Variants in VEGFC observed in about 807,000 individuals in gnomAD.
VEGFC encodes the protein FLT4 ligand DHM.
A neutral mutation model predicts 46.1 loss-of-function variants in VEGFC; 12 were observed. The observed-to-expected ratio is 0.26, with a 90% CI of 0.17 to 0.42. The LOEUF (loss-of-function observed/expected upper bound fraction) is 0.42, where lower values mean the gene tolerates loss of function less well. Among genes scored for constraint, VEGFC ranks in the 10% least tolerant of loss-of-function variants. The pLI is 1.00. For missense variants in VEGFC, 488 were observed against 529.4 expected, an observed-to-expected ratio of 0.92 and a Z score of 0.77; for synonymous variants, 232 against 195.5, an observed-to-expected ratio of 1.19 and a Z score of -1.56.
At chr4:176,740,343 A>G (rs1348188192) in intron 1 of VEGFC, among the ~76,000 whole-genome samples, 1 of 120,276 alleles carries the variant, frequency 8.3e-6, no homozygotes, top group African/African-American at 3.4e-5. Flanking sequence ...ATATAACTAT[A>G]TATTTATATA....
intron 1 of VEGFC, among the ~76,000 whole-genome samples, chr4:176,772,957 C>G (rs1256488060): frequency 6.6e-6 from 1 of 152,182 alleles, no homozygotes; most frequent in South Asian, 2.1e-4. Context: ...ACCCAAAGTA[C>G]ATTCATTCTC....
rs140444832 is a variant in VEGFC at position 176,769,102 on chromosome 4, C to T, written c.147+23063G>A. On this transcript the variant is annotated intron_variant, in intron 1 of 6. Coordinates refer to ENST00000618562, the MANE Select transcript of VEGFC (RefSeq NM_005429.5). ...TGGGAGAGCCTGCTTCCTCCTTACC[C>T]CTATCACCATGTGAGGGGGACGTGC... Among the ~76,000 whole-genome samples the T allele has an allele frequency of 2.0e-3, 308 of 152,212 alleles. 1 individual carries two copies. Among genetic ancestry groups the T allele is most frequent in the African/African-American group, 7.0e-3 (291 of 41,528 alleles).
rs140484611 is a variant in VEGFC at position 176,760,959 on chromosome 4, G to A, written c.147+31206C>T. Among the ~76,000 whole-genome samples the A allele has an allele frequency of 2.9e-3, 449 of 152,318 alleles. 3 individuals are homozygous for A. The highest frequency in any genetic ancestry group is 0.01 in the African/African-American group (425 of 41,570). On this transcript the variant is annotated intron_variant, in intron 1 of 6. Coordinates refer to ENST00000618562, the MANE Select transcript of VEGFC (RefSeq NM_005429.5). ...AATCATACATAGGTAGGAAAAAGAA[G>A]TTTATGATACTGCAAGTCTGGCCCA...
In VEGFC at chr4:176,784,066, T is replaced by TTTTG. The variant is rs1553998059; in HGVS notation, c.147+8098_147+8099insCAAA. Among the ~76,000 whole-genome samples, 215 of 26,334 alleles carry TTTTG rather than the reference T, an allele frequency of 8.2e-3. 29 individuals carry two copies. The Middle Eastern group carries it at 0.1, about 12-fold the overall frequency. 17.3% of individuals were successfully genotyped at this position (26,334 alleles called of 152,430 possible). ...GCTTTATATGTATGCACATGCTGTT[T>TTTTG]TTTTTTTTTTTTTTTTGAAACAGAG... On this transcript the variant is annotated intron_variant, in intron 1 of 6. Coordinates refer to ENST00000618562, the MANE Select transcript of VEGFC (RefSeq NM_005429.5).
intron 1 of VEGFC, among the ~76,000 whole-genome samples, chr4:176,748,390 T>A (rs1039028495): frequency 2.0e-5 from 3 of 152,094 alleles, no homozygotes; most frequent in Non-Finnish European, 4.4e-5. Flanking sequence ...CTCATTAAAG[T>A]TTCAGTTTCT....
At chr4:176,768,491 C>CATACATATATATATATATATATAT (rs1553996841) in intron 1 of VEGFC, among the ~76,000 whole-genome samples, 5 of 100,536 alleles carry the variant, frequency 5.0e-5, no homozygotes, top group South Asian at 5.0e-4. Context: ...ATGTTTTATA[C>CATACATATATATATATATATATAT]ATATATATAT....
intron 3 of VEGFC, among the ~76,000 whole-genome samples, chr4:176,713,446 GT>G (rs1457756373): frequency 6.6e-6 from 1 of 151,860 alleles, no homozygotes; most frequent in Non-Finnish European, 1.5e-5. Flanking sequence ...ATACAAAGTG[GT>G]TTTAAAAAGC....
chr4:176,735,683 A>G (rs539435344), intron 1 of VEGFC, among the ~76,000 whole-genome samples: 1 of 151,928 alleles, frequency 6.6e-6, no homozygotes, highest in African/African-American at 2.4e-5. Context: ...AACAGGGGCA[A>G]TTTTGAACAG....
intron 4 of VEGFC, among the ~76,000 whole-genome samples, chr4:176,694,534 G>C (rs1260172014): frequency 6.6e-6 from 1 of 151,872 alleles, no homozygotes; most frequent in African/African-American, 2.4e-5. Flanking sequence ...AATAATGGGA[G>C]ACTTTAACAC....
At chr4:176,784,521 GC>G (rs1403066055) in intron 1 of VEGFC, among the ~76,000 whole-genome samples, 24 of 151,794 alleles carry the variant, frequency 1.6e-4, no homozygotes, top group Non-Finnish European at 3.4e-4. Context: ...GCCGAGGCGG[GC>G]AGATCACGAG....
chr4:176,740,031 GAATA>G (rs1735132441), intron 1 of VEGFC, among the ~76,000 whole-genome samples: 1 of 24,850 alleles, frequency 4.0e-5, no homozygotes, highest in Non-Finnish European at 1.4e-4. Context: ...TCGATATATC[GAATA>G]TATATAACTA....
At chr4:176,743,518 A>C (rs1319488370) in intron 1 of VEGFC, among the ~76,000 whole-genome samples, 1 of 151,282 alleles carries the variant, frequency 6.6e-6, no homozygotes, top group Admixed American at 6.6e-5. Context: ...AATATATGTA[A>C]ACAACATTGG....
intron 1 of VEGFC, among the ~76,000 whole-genome samples, chr4:176,763,597 A>G (rs968983412): frequency 2.6e-5 from 4 of 152,292 alleles, no homozygotes; most frequent in East Asian, 3.9e-4. Flanking sequence ...ATAGATCTTA[A>G]GTATATGTTA....
chr4:176,777,293 GCC>G (rs1200853073), intron 1 of VEGFC, among the ~76,000 whole-genome samples: 1 of 152,190 alleles, frequency 6.6e-6, no homozygotes. Flanking sequence ...CTCCAGCCTG[GCC>G]GAGACAGCGA....
At chr4:176,692,448 T>C (rs1338730987) in intron 4 of VEGFC, among the ~76,000 whole-genome samples, 2 of 130,234 alleles carry the variant, frequency 1.5e-5, no homozygotes, top group South Asian at 4.4e-4. Context: ...CACCACGAGA[T>C]TATACCCGCA....
intron 1 of VEGFC, among the ~76,000 whole-genome samples, chr4:176,787,559 C>G (rs1736024812): frequency 6.6e-6 from 1 of 151,372 alleles, no homozygotes; most frequent in African/African-American, 2.4e-5. Flanking sequence ...CTGAAAGCCA[C>G]TAGGGCGCGA....
rs75538869 is a variant in VEGFC at position 176,779,481 on chromosome 4, T to C, written c.147+12684A>G. The stretch of plus-strand genomic sequence containing the variant: ...AAAAGAATAAAAGGAAAGAAAAGAA[T>C]GTGTAATTTATAAAGAAGATTTGCA... On this transcript the variant is annotated intron_variant, in intron 1 of 6. Transcript: ENST00000618562. Among the ~76,000 whole-genome samples, 107 of 152,302 alleles carry C rather than the reference T, an allele frequency of 7.0e-4. 1 individual carries two copies. The East Asian group carries it at 0.017, about 25-fold the overall frequency.
At position 176,792,478 on chromosome 4, in the gene VEGFC, G is replaced by C. The variant is rs1736118573; in HGVS notation, c.-167C>G. The C allele has an allele frequency of 2.2e-6, 1 of 463,992 alleles. No individual in the cohort carries two copies. Among genetic ancestry groups the C allele is most frequent in the Non-Finnish European group, 3.6e-6 (1 of 277,732 alleles). 28.7% of individuals were successfully genotyped at this position (463,992 alleles called of 1,614,324 possible). A position where few individuals can be genotyped will look rare whatever the true frequency, so the allele number is the denominator to read the frequency against. On this transcript the variant is annotated 5_prime_UTR_variant, in exon 1 of 7. Coordinates refer to ENST00000618562, the MANE Select transcript of VEGFC (RefSeq NM_005429.5). The surrounding 1 kb of genome is among the most constrained non-coding windows in gnomAD (Gnocchi z 6.3). ...GGCGGGAGCGGGTCCGGGGCTCCGCGTTCCCAACTTTGCAGGGCGCCCTCC... is the reference window on the plus strand; with the variant it reads ...GGCGGGAGCGGGTCCGGGGCTCCGCCTTCCCAACTTTGCAGGGCGCCCTCC...
chr4:176,688,947 A>G (rs1734097542), intron 4 of VEGFC, among the ~76,000 whole-genome samples: 1 of 152,206 alleles, frequency 6.6e-6, no homozygotes, highest in South Asian at 2.1e-4. Flanking sequence ...CATTACTACT[A>G]GACCTTTTCA....
Sources: gnomAD v4.1 joint callset for allele counts (sites outside exome capture counted in the v4.1 genomes callset) on GRCh38, gnomAD v4.1.1 for gene constraint, Gnocchi (gnomAD v3.1) non-coding constraint, MANE v1.5 for transcripts, NCBI Gene and HGNC (gene_info 2026-07-23, HGNC 2026-07-21) for gene names.